PPM1L: variants seen among roughly 807,000 people sequenced by gnomAD.
PPM1L encodes the protein protein phosphatase, Mg2+/Mn2+ dependent 1L, also known as protein phosphatase 1L.
PPM1L carries 13 observed loss-of-function variants against 31.4 expected under a neutral mutation model. The ratio of observed to expected loss-of-function variants is 0.41; its 90% CI spans 0.27 to 0.66. The LOEUF (loss-of-function observed/expected upper bound fraction) is 0.66, where lower values mean the gene tolerates loss of function less well. Among genes scored for constraint, PPM1L ranks in the 30% least tolerant of loss-of-function variants. The probability of loss-of-function intolerance (pLI) is 0.29; values close to 1 mark genes in which losing one functional copy is unlikely to be tolerated. For synonymous variants in PPM1L, 184 were observed against 175.4 expected, an observed-to-expected ratio of 1.05 and a Z score of -0.39; for missense variants, 326 against 453.7, an observed-to-expected ratio of 0.72 and a Z score of 2.56.
intron 1 of PPM1L, chr3:160,842,372 G>A: frequency 1.4e-6 from 1 of 694,514 alleles, no homozygotes; most frequent in Non-Finnish European, 2.6e-6. Flanking sequence ...AGAGAGGTAG[G>A]TTGAATTCAA....
intron 2 of PPM1L, among the ~76,000 whole-genome samples, chr3:161,025,824 C>A (rs1010105084): frequency 1.3e-5 from 2 of 152,046 alleles, no homozygotes; most frequent in Non-Finnish European, 2.9e-5. Flanking sequence ...TAAATATAAA[C>A]AAAAACTCTT....
intron 2 of PPM1L, among the ~76,000 whole-genome samples, chr3:161,003,675 T>C (rs1412482155): frequency 6.6e-6 from 1 of 152,210 alleles, no homozygotes; most frequent in African/African-American, 2.4e-5. Context: ...CTTGTGATTT[T>C]TGTACATTGA....
chr3:161,075,295 C>A lies in PPM1L; in HGVS notation c.*6138C>A, dbSNP rs1457459148. On this transcript the variant is annotated 3_prime_UTR_variant, in exon 4 of 4. Transcript: ENST00000498165. ...ATCAGGGAAAAACCCCTTTAGGATA[C>A]CCAGACATTAAAAATGTAAAAAGTA... The A allele has an allele frequency of 1.3e-5, 2 of 152,110 alleles. No individual in the cohort carries two copies. The highest frequency in any genetic ancestry group is 4.8e-5 in the African/African-American group (2 of 41,416). The allele number at this position is 152,110 out of a possible 1,614,324, so 9.4% of individuals were successfully genotyped here.
intron 2 of PPM1L, among the ~76,000 whole-genome samples, chr3:160,972,885 C>T (rs935990401): frequency 5.3e-5 from 8 of 152,088 alleles, no homozygotes; most frequent in African/African-American, 4.8e-5. Flanking sequence ...TTTTAATGAT[C>T]GCCATTGTAA....
At chr3:160,841,409 CT>C (rs1713875906) in intron 1 of PPM1L, among the ~76,000 whole-genome samples, 1 of 150,364 alleles carries the variant, frequency 6.7e-6, no homozygotes, top group African/African-American at 2.4e-5. Flanking sequence ...ATGTTACTTT[CT>C]TTGTTTCTAG....
Position 161,019,406 on chromosome 3 carries a change from C to T in PPM1L, c.575-45997C>T, listed in dbSNP as rs1349490711. ...AAAGATAGGGTCTCACTATGTTGTC[C>T]AGGTTGGTCTCGAACTCCAGATCTC... On this transcript the variant is annotated intron_variant, in intron 2 of 3. Transcript: ENST00000498165. 2.0e-5 allele frequency among the ~76,000 whole-genome samples: 3 copies of T among 152,022 alleles called. 1 individual carries two copies. Among genetic ancestry groups the T allele is most frequent in the African/African-American group, 7.2e-5 (3 of 41,380 alleles).
chr3:161,035,714 A>G (rs977584423), intron 2 of PPM1L: 1 of 152,258 alleles, frequency 6.6e-6, no homozygotes, highest in Non-Finnish European at 1.5e-5. Context: ...GAACTTAACC[A>G]AAGTTAAAAT....
intron 2 of PPM1L, among the ~76,000 whole-genome samples, chr3:161,035,005 G>C (rs1042124722): frequency 6.6e-6 from 1 of 151,642 alleles, no homozygotes; most frequent in East Asian, 2.0e-4. Context: ...AACACCACAT[G>C]TTCTCACTGA....
At chr3:160,888,419 C>A (rs1713009501) in intron 1 of PPM1L, among the ~76,000 whole-genome samples, 1 of 152,008 alleles carries the variant, frequency 6.6e-6, no homozygotes, top group Admixed American at 6.6e-5. Flanking sequence ...CAACAAAGAT[C>A]AAAAAGGATA....
intron 1 of PPM1L, among the ~76,000 whole-genome samples, chr3:160,897,040 C>T (rs80050490): frequency 0.04 from 5,237 of 131,556 alleles, 326 homozygotes; most frequent in African/African-American, 0.14. Context: ...TGACTACTGA[C>T]TCTTTTTTTT....
intron 1 of PPM1L, among the ~76,000 whole-genome samples, chr3:160,811,982 T>G (rs1216289164): frequency 6.6e-6 from 1 of 152,180 alleles, no homozygotes; most frequent in African/African-American, 2.4e-5. Flanking sequence ...GGGCATCATT[T>G]TATTACTTCA....
At position 160,844,930 on chromosome 3, in the gene PPM1L, A is replaced by G. The variant is rs1268612928; in HGVS notation, c.399+88223A>G. 1.6e-4 allele frequency among the ~76,000 whole-genome samples: 25 copies of G among 152,004 alleles called. 1 individual carries two copies. The highest frequency in any genetic ancestry group is 1.6e-3 in the Admixed American group (25 of 15,250). On this transcript the variant is annotated intron_variant, in intron 1 of 3. Transcript: ENST00000498165. ...CCCATCTTCCTTGTCCCCCCAACCT[A>G]GGCAAACACTAATCTACTTTCTGTC...
At chr3:160,762,196 A>G (rs1212396578) in intron 1 of PPM1L, among the ~76,000 whole-genome samples, 34 of 152,338 alleles carry the variant, frequency 2.2e-4, no homozygotes, top group Non-Finnish European at 2.9e-5. Flanking sequence ...CGGCTTTCAC[A>G]TTATGATGTA....
chr3:160,896,167 CT>C (rs1208543436), intron 1 of PPM1L, among the ~76,000 whole-genome samples: 1 of 152,044 alleles, frequency 6.6e-6, no homozygotes, highest in Admixed American at 6.6e-5. Context: ...TTATCAATTT[CT>C]TCCTTATAAT....
intron 2 of PPM1L, among the ~76,000 whole-genome samples, chr3:161,036,687 T>C (rs997396648): frequency 1.2e-4 from 18 of 152,316 alleles, no homozygotes; most frequent in African/African-American, 4.3e-4. Flanking sequence ...GGTTTTTTTC[T>C]CCTTTTTAAT....
At chr3:160,781,099 C>T (rs1711737048) in intron 1 of PPM1L, among the ~76,000 whole-genome samples, 1 of 152,144 alleles carries the variant, frequency 6.6e-6, no homozygotes, top group Non-Finnish European at 1.5e-5. Context: ...TTGCTATTCT[C>T]TAACTTAATG....
intron 2 of PPM1L, among the ~76,000 whole-genome samples, chr3:160,984,934 G>A (rs1716916207): frequency 6.6e-6 from 1 of 152,170 alleles, no homozygotes; most frequent in African/African-American, 2.4e-5. Context: ...GTGGTGTCTA[G>A]TGGGTAGAAC....
chr3:160,973,326 G>A (rs1469581150), intron 2 of PPM1L, among the ~76,000 whole-genome samples: 2 of 152,186 alleles, frequency 1.3e-5, no homozygotes, highest in East Asian at 3.9e-4. Flanking sequence ...TAAAGGAAAT[G>A]TGTATACTTC....
chr3:160,811,023 T>C (rs1017898471), intron 1 of PPM1L, among the ~76,000 whole-genome samples: 2 of 152,228 alleles, frequency 1.3e-5, no homozygotes, highest in African/African-American at 2.4e-5. Flanking sequence ...TTTCTATTCA[T>C]TATGTTATGG....
Sources: allele counts gnomAD v4.1 joint callset (sites outside exome capture counted in the v4.1 genomes callset), GRCh38; gene constraint gnomAD v4.1.1; transcripts MANE v1.5; gene names NCBI Gene and HGNC (gene_info 2026-07-23, HGNC 2026-07-21).